The following KIFAP3 variants were observed in gnomAD, a reference collection of about 807,000 sequenced individuals.
KIFAP3 encodes the protein kinesin-associated protein 3.
KIFAP3 carries 68 observed loss-of-function variants against 106.5 expected under a neutral mutation model. The observed-to-expected ratio is 0.64, with a 90% confidence interval of 0.53 to 0.78. The LOEUF (loss-of-function observed/expected upper bound fraction) is 0.78. Among genes scored for constraint, KIFAP3 ranks in the 30% least tolerant of loss-of-function variants. KIFAP3 has a pLI of 0.00. For missense variants in KIFAP3, 780 were observed against 941.8 expected (o/e 0.83, Z 2.25); for synonymous variants, 320 against 311.5 (o/e 1.03, Z -0.29).
At chr1:170,035,014 A>C (rs1212526776) in intron 6 of KIFAP3, among the ~76,000 whole-genome samples, 1 of 151,966 alleles carries the variant, frequency 6.6e-6, no homozygotes, top group Non-Finnish European at 1.5e-5. Context: ...ACTTTTCATA[A>C]TGTCTTAATA....
At chr1:169,961,301 T>C in intron 17 of KIFAP3, 66 bp from the exon 18 acceptor site, 4 of 1,279,528 alleles carry the variant, frequency 3.1e-6, no homozygotes, top group Non-Finnish European at 4.4e-6. Flanking sequence ...GACGGCAATA[T>C]TTTTATCTCT....
At chr1:170,052,095 T>C (rs1265633987) in intron 2 of KIFAP3, among the ~76,000 whole-genome samples, 1 of 151,602 alleles carries the variant, frequency 6.6e-6, no homozygotes, top group Non-Finnish European at 1.5e-5. Context: ...GACTGCTAGC[T>C]AGATTAATAA....
Position 169,975,030 on chromosome 1 carries a change from TAATAA to T in KIFAP3, c.1898-2437_1898-2433del, listed in dbSNP as rs770344962. ...TCCTTCCTAGATTACTTACAATACT[TAATAA>T]AATATAAATGCTATGTAAATAGTTG... On this transcript the variant is annotated intron_variant, in intron 16 of 19. Coordinates refer to ENST00000361580, the MANE Select transcript of KIFAP3 (RefSeq NM_014970.4). Among the ~76,000 whole-genome samples the T allele has an allele frequency of 2.6e-5, 4 of 152,218 alleles. No individual in the cohort carries two copies. The South Asian group carries it at 8.3e-4, about 32-fold the overall frequency.
At chr1:170,032,014 T>C in intron 7 of KIFAP3, 30 bp from the exon 8 acceptor site, 2 of 879,592 alleles carry the variant, frequency 2.3e-6, no homozygotes, top group Non-Finnish European at 3.3e-6. Context: ...TCATCCATAC[T>C]CATTGAAGCA....
At position 170,083,536 on chromosome 1, in the gene KIFAP3, A is replaced by G. The variant is rs1459696814; in HGVS notation, n.174+1499T>C. On this transcript the variant is annotated intron_variant and non_coding_transcript_variant, in intron 1 of 5. Coordinates refer to the KIFAP3 transcript ENST00000490550. ...AATGTTCAATTTTCTCATCTGTAAA[A>G]TAGGGGTAATAGTCTTTATGTCCTA... Among the ~76,000 whole-genome samples, 3 of 152,304 alleles carry G rather than the reference A, an allele frequency of 2.0e-5. No individual in the cohort carries two copies. The East Asian group carries it at 5.8e-4, about 29-fold the overall frequency.
Position 169,992,177 on chromosome 1 carries a change from G to A in KIFAP3, c.1262C>T (p.Ala421Val), listed in dbSNP as rs1164151452. The change falls in exon 11 of 20, where the codon GCA (alanine) becomes GTA (valine). Residue 421 changes from alanine to valine, a missense_variant. By Grantham distance (64) the Ala-to-Val change is moderately conservative (BLOSUM62 0). This residue lies in a region of KIFAP3 where 588 missense variants were observed against 678.9 expected (regional missense o/e 0.87). Coordinates refer to ENST00000361580, the MANE Select transcript of KIFAP3 (RefSeq NM_014970.4). ...SMDDRFKSMF[A>V]YTDCIPQLMK... ...TACCTGTGGTATACAGTCAGTGTAT[G>A]CAAACATTGATTTAAAGCGGTCATC... 3 of 1,567,958 alleles carry A rather than the reference G, an allele frequency of 1.9e-6. No homozygotes were observed. The highest frequency in any genetic ancestry group is 2.6e-6 in the Non-Finnish European group (3 of 1,155,694).
At chr1:170,072,600 T>C (rs1671756739) in intron 1 of KIFAP3, among the ~76,000 whole-genome samples, 1 of 152,204 alleles carries the variant, frequency 6.6e-6, no homozygotes, top group South Asian at 2.1e-4. Flanking sequence ...AAAATTATTT[T>C]TGTAAAACCA....
At chr1:170,021,604 T>C (rs1668828953) in intron 9 of KIFAP3, among the ~76,000 whole-genome samples, 1 of 151,742 alleles carries the variant, frequency 6.6e-6, no homozygotes, top group Non-Finnish European at 1.5e-5. Flanking sequence ...CACACCTGGC[T>C]AGTTTTTGTA....
intron 2 of KIFAP3, among the ~76,000 whole-genome samples, chr1:170,054,217 T>A (rs1404403503): frequency 6.6e-6 from 1 of 152,196 alleles, no homozygotes; most frequent in Non-Finnish European, 1.5e-5. Context: ...AAAGAAGACA[T>A]TTATGCGGCC....
chr1:169,934,779 T>C (rs972982301), intron 19 of KIFAP3, among the ~76,000 whole-genome samples: 1 of 151,944 alleles, frequency 6.6e-6, no homozygotes, highest in African/African-American at 2.4e-5. Flanking sequence ...TAGGTATATC[T>C]ATATTTGTTA....
At chr1:169,983,626 C>T (rs1314321200) in intron 12 of KIFAP3, among the ~76,000 whole-genome samples, 1 of 151,788 alleles carries the variant, frequency 6.6e-6, no homozygotes, top group Non-Finnish European at 1.5e-5. Flanking sequence ...ATCACTTTTC[C>T]TCTTCCCTGT....
chr1:169,986,632 C>T (rs200322499), intron 11 of KIFAP3, among the ~76,000 whole-genome samples: 4 of 151,830 alleles, frequency 2.6e-5, no homozygotes, highest in East Asian at 1.9e-4. Context: ...AATAAAATTG[C>T]CAATAAAAAT....
At chr1:170,015,127 G>T (rs1025237876) in intron 10 of KIFAP3, among the ~76,000 whole-genome samples, 1 of 152,082 alleles carries the variant, frequency 6.6e-6, no homozygotes, top group Admixed American at 6.5e-5. Flanking sequence ...TATGAAGTGG[G>T]TATCACATGA....
At chr1:169,940,040 A>G (rs1034688071) in intron 19 of KIFAP3, among the ~76,000 whole-genome samples, 2 of 152,246 alleles carry the variant, frequency 1.3e-5, no homozygotes, top group African/African-American at 4.8e-5. Flanking sequence ...ATGATCCAGT[A>G]AAGGGGAAAA....
At position 170,074,643 on chromosome 1, in the gene KIFAP3, C is replaced by T; in HGVS notation, c.-176G>A. 1 of 1,469,026 alleles carries T rather than the reference C, an allele frequency of 6.8e-7. No homozygotes were observed. The highest frequency in any genetic ancestry group is 9.0e-7 in the Non-Finnish European group (1 of 1,108,266). The allele number at this position is 1,469,026 out of a possible 1,614,324, so 91.0% of individuals were successfully genotyped here. ...ACGGTGAAGCCTCCAGCTCCTCCCA[C>T]AGCTTCTGTGCCCCAAAACACTGGA... On this transcript the variant is annotated 5_prime_UTR_variant, in exon 1 of 20. The change creates a new upstream start codon in the 5' untranslated region. Coordinates refer to ENST00000361580, the MANE Select transcript of KIFAP3 (RefSeq NM_014970.4).
chr1:170,012,648 T>C lies in KIFAP3; in HGVS notation c.1183+3814A>G, dbSNP rs554147824. Among the ~76,000 whole-genome samples the C allele has an allele frequency of 2.6e-5, 4 of 152,180 alleles. No individual in the cohort carries two copies. The South Asian group carries it at 6.2e-4, about 24-fold the overall frequency. ...TGATAATATTTGGGGCTGGGTCCTT[T>C]GAGAGGTGGTTACGTCATGAAAGCA... On this transcript the variant is annotated intron_variant, in intron 10 of 19. Coordinates refer to ENST00000361580, the MANE Select transcript of KIFAP3 (RefSeq NM_014970.4).
intron 1 of KIFAP3, among the ~76,000 whole-genome samples, chr1:170,058,735 G>T (rs918593851): frequency 3.3e-5 from 5 of 152,004 alleles, no homozygotes; most frequent in African/African-American, 1.2e-4. Context: ...GCTGAGGCGG[G>T]TGTAGGGGAG....
chr1:170,013,305 C>T (rs1468713154), intron 10 of KIFAP3, among the ~76,000 whole-genome samples: 1 of 151,830 alleles, frequency 6.6e-6, no homozygotes, highest in Non-Finnish European at 1.5e-5. Context: ...GCCTGGAGAA[C>T]TTATCAAAAA....
chr1:170,054,350 C>T (rs1670732623), intron 2 of KIFAP3, among the ~76,000 whole-genome samples: 1 of 151,940 alleles, frequency 6.6e-6, no homozygotes, highest in Admixed American at 6.6e-5. Flanking sequence ...AGATGCTGCT[C>T]AGGCTGTGGA....
Sources: gnomAD v4.1 joint callset for allele counts (sites outside exome capture counted in the v4.1 genomes callset) on GRCh38, gnomAD v4.1.1 for gene constraint, gnomAD v4.1.1 regional missense constraint, MANE v1.5 for transcripts, NCBI Gene and HGNC (gene_info 2026-07-23, HGNC 2026-07-21) for gene names.